HSPG2: variants seen among roughly 807,000 people sequenced by gnomAD.
HSPG2 encodes basement membrane-specific heparan sulfate proteoglycan core protein.
In HSPG2, 278 loss-of-function variants were observed where a neutral mutation model predicts 526.6. That is an observed-to-expected ratio of 0.53 (90% CI 0.48 to 0.58). The LOEUF is 0.58. HSPG2 is among the 20% of genes least tolerant of loss of function. HSPG2 has a pLI of 0.00. For missense variants in HSPG2, 5,354 were observed against 6,099.5 expected (o/e 0.88, Z 4.07); for synonymous variants, 2,465 against 2,555.4 (o/e 0.96, Z 1.07).
rs373699453 is a variant in HSPG2, at chr1:21,841,198, T to C, written c.9416A>G (p.Glu3139Gly). The C allele has an allele frequency of 6.2e-7, 1 of 1,613,716 alleles. No homozygotes were observed. The highest frequency in any genetic ancestry group is 8.5e-7 in the Non-Finnish European group (1 of 1,180,034). The change falls in exon 71 of 97, where the codon GAG becomes GGG. Residue 3139 changes from glutamate (E) to glycine (G), a missense_variant. Physicochemically the swap from Glu to Gly is moderately conservative, Grantham distance 98. Transcript: ENST00000374695. The part of the protein sequence containing the change: ...AVTLECVSAG[E>G]PRSSARWTRI... ...GGTCCAACGAGCAGAGGAGCGGGGC[T>C]CCCCGGCACTGACACACTCCAGGGT...
rs928635824 is a variant in HSPG2 at position 21,824,705 on chromosome 1, TC to T, written c.12663del (p.Ser4222AlafsTer75). 3 of 1,613,472 alleles carry T rather than the reference TC, an allele frequency of 1.9e-6. No homozygotes were observed. In the African/African-American group the frequency reaches 4.0e-5, roughly 22 times the overall value. ...GGGCCCTTCCAATGCCAGTCTCACCTCCTGGAGAAGACATGGCCAGGGAAGG... is the reference window on the plus strand; with the variant it reads ...GGGCCCTTCCAATGCCAGTCTCACCTCTGGAGAAGACATGGCCAGGGAAGG... Reference protein sequence around the residue: ...FLAFPGHVFSRSLPEVPETIE... With the variant: ...FLAFPGHVFSXSLPEVPETIE... On this transcript the variant is annotated frameshift_variant and splice_region_variant, in exon 92 of 97. Coordinates refer to ENST00000374695, the MANE Select transcript of HSPG2 (RefSeq NM_005529.7). LOFTEE classifies it high-confidence loss of function. The surrounding 1 kb of genome is among the most constrained non-coding windows in gnomAD (Gnocchi z 5.9).
rs574275934 is a variant in HSPG2, at chr1:21,840,549, G to A, written c.9514-532C>T. ...TCTCAATCTCCTGACCTTGTGATCC[G>A]CCCGCCTCAGCCTCCCAAATTGCTA... On this transcript the variant is annotated intron_variant, in intron 71 of 96. Transcript: ENST00000374695. 5.3e-5 allele frequency among the ~76,000 whole-genome samples: 8 copies of A among 151,600 alleles called. No homozygotes were observed. In the East Asian group the frequency reaches 5.8e-4, roughly 11 times the overall value.
rs150994577 is a variant in HSPG2 at position 21,835,121 on chromosome 1, TACTC to T, written c.10454-180_10454-177del. The T allele has an allele frequency of 0.041, 30,616 of 752,118 alleles. 814 individuals are homozygous for T. The highest frequency in any genetic ancestry group is 0.065 in the Middle Eastern group (286 of 4,422). 46.6% of individuals were successfully genotyped at this position (752,118 alleles called of 1,614,324 possible). On this transcript the variant is annotated intron_variant, in intron 76 of 96. Coordinates refer to ENST00000374695, the MANE Select transcript of HSPG2 (RefSeq NM_005529.7). ...ACTCACTTGTCAGGTCTTATGCATT[TACTC>T]ACTCACGTGTCCACTTCTTTTTTTT...
intron 75 of HSPG2, 37 bp from the exon 76 acceptor site, chr1:21,835,674 AAAC>A: frequency 1.3e-6 from 2 of 1,500,560 alleles, no homozygotes; most frequent in Non-Finnish European, 1.9e-6. Flanking sequence ...AGGGAGTTGA[AAAC>A]AACTGATAGA....
At position 21,890,787 on chromosome 1, in the gene HSPG2, GC is replaced by G; in HGVS notation, c.245-94del. 1 of 878,780 alleles carries G rather than the reference GC, an allele frequency of 1.1e-6. No individual in the cohort carries two copies. The highest frequency in any genetic ancestry group is 1.9e-6 in the Non-Finnish European group (1 of 534,636). The allele number at this position is 878,780 out of a possible 1,614,324, so 54.4% of individuals were successfully genotyped here. A position where few individuals can be genotyped will look rare whatever the true frequency, so the allele number is the denominator to read the frequency against. ...CCATTCAGGCAGAGTTGGGGGGATG[GC>G]CCCCAGAGGCCTCCCTCGAGGCTGA... On this transcript the variant is annotated intron_variant, in intron 3 of 96. Coordinates refer to ENST00000374695, the MANE Select transcript of HSPG2 (RefSeq NM_005529.7). The surrounding 1 kb of genome is among the most constrained non-coding windows in gnomAD (Gnocchi z 4.1).
At chr1:21,920,772 C>T (rs752440369) in intron 1 of HSPG2, among the ~76,000 whole-genome samples, 2 of 152,198 alleles carry the variant, frequency 1.3e-5, no homozygotes, top group African/African-American at 4.8e-5. Flanking sequence ...CCTCCTCCCC[C>T]ACTCCTGGAC....
chr1:21,869,190 G>A (rs929110673), intron 33 of HSPG2, among the ~76,000 whole-genome samples: 19 of 152,204 alleles, frequency 1.2e-4, no homozygotes, highest in African/African-American at 4.6e-4. Context: ...CTCTCTGGGC[G>A]TGGCCTGGGT....
rs756052771 is a variant in HSPG2 at position 21,830,978 on chromosome 1, G to A, written c.11671+4C>T. The A allele has an allele frequency of 3.3e-5, 52 of 1,569,764 alleles. No homozygotes were observed. The highest frequency in any genetic ancestry group is 2.3e-4 in the African/African-American group (17 of 74,432). On this transcript the variant is annotated splice_donor_region_variant and intron_variant, in intron 85 of 96. Coordinates refer to ENST00000374695, the MANE Select transcript of HSPG2 (RefSeq NM_005529.7). ...CGACAGCGACTGGCGGTCGGGGTGC[G>A]TACCTGGATGGCAGTGCAGGGCCTG... is the stretch of plus-strand genomic sequence containing the variant.
Position 21,902,210 on chromosome 1 carries a change from G to A in HSPG2, c.64-5900C>T, listed in dbSNP as rs144404909. Among the ~76,000 whole-genome samples, 38 of 152,298 alleles carry A rather than the reference G, an allele frequency of 2.5e-4. 1 individual carries two copies. Among genetic ancestry groups the A allele is most frequent in the Admixed American group, 2.2e-3 (33 of 15,304 alleles). ...AATCCCCTGGCAGTCTGAGAGGGGC[G>A]CCGGGCCGGAAGGGAGGTGGCCACA... On this transcript the variant is annotated intron_variant, in intron 1 of 96. Transcript: ENST00000374695.
Position 21,887,839 on chromosome 1 carries a change from C to A in HSPG2, c.703+99G>T. On this transcript the variant is annotated intron_variant, in intron 7 of 96. Coordinates refer to ENST00000374695, the MANE Select transcript of HSPG2 (RefSeq NM_005529.7). This position sits in a 1 kb window ranked among gnomAD's most constrained non-coding sequence, Gnocchi z 5.0. ...CCTATGCCCCCATCCTCTGCCTGCA[C>A]CAAACCCTCATAGTCCTTGATGGGC... The A allele has an allele frequency of 2.5e-6, 4 of 1,596,696 alleles. No individual in the cohort carries two copies.
rs887542156 is a variant in HSPG2 at position 21,893,310 on chromosome 1, C to T, written c.244+2612G>A. 9.8e-5 allele frequency among the ~76,000 whole-genome samples: 15 copies of T among 152,300 alleles called. No homozygotes were observed. The highest frequency in any genetic ancestry group is 2.2e-4 in the Non-Finnish European group (15 of 68,016). The stretch of plus-strand genomic sequence containing the variant: ...GCACCCATCTCTGCCCGTCAACACC[C>T]CATGGGGAAGAACGCCCGCCAGGGT... On this transcript the variant is annotated intron_variant, in intron 3 of 96. Coordinates refer to ENST00000374695, the MANE Select transcript of HSPG2 (RefSeq NM_005529.7). This position sits in a 1 kb window ranked among gnomAD's most constrained non-coding sequence, Gnocchi z 4.3.
At chr1:21,846,956 C>T (rs149413568) in intron 62 of HSPG2, among the ~76,000 whole-genome samples, 5,549 of 151,932 alleles carry the variant, frequency 0.037, 142 homozygotes, top group Non-Finnish European at 0.059. Flanking sequence ...GTTGAGATCG[C>T]GCCACTGCAC....
rs1386160359 is a variant in HSPG2, at chr1:21,864,260, C to T, written c.4627-47G>A. 2 of 1,463,508 alleles carry T rather than the reference C, an allele frequency of 1.4e-6. No individual in the cohort carries two copies. The highest frequency in any genetic ancestry group is 1.2e-5 in the South Asian group (1 of 82,244). The allele number at this position is 1,463,508 out of a possible 1,614,324, so 90.7% of individuals were successfully genotyped here. Reference sequence around the variant, plus strand: ...GGCCTCTGTTCCCAACGTGCCCCACCCACAGCCAGCAGACCCAGAACCCCT... The same window carrying T: ...GGCCTCTGTTCCCAACGTGCCCCACTCACAGCCAGCAGACCCAGAACCCCT... On this transcript the variant is annotated intron_variant, in intron 36 of 96. Coordinates refer to ENST00000374695, the MANE Select transcript of HSPG2 (RefSeq NM_005529.7). The surrounding 1 kb of genome is among the most constrained non-coding windows in gnomAD (Gnocchi z 4.8).
chr1:21,826,788 C>T (rs1384071983), intron 91 of HSPG2, among the ~76,000 whole-genome samples: 1 of 152,178 alleles, frequency 6.6e-6, no homozygotes, highest in African/African-American at 2.4e-5. Flanking sequence ...GGATTACAGG[C>T]GTGAGCCAGT....
chr1:21,823,452 C>T lies in HSPG2; in HGVS notation c.13040G>A (p.Arg4347Lys). Reference protein sequence around the residue: ...APDVATLTGGRFSSGITGCVK... With the variant: ...APDVATLTGGKFSSGITGCVK... ...ACAGCCTGTGATGCCTGAGGAGAAT[C>T]TGCCCCCGGTCAGCGTGGCCACGTC... Residue 4347 changes from arginine (R) to lysine (K), a missense_variant, in exon 97 of 97, where the codon AGA becomes AAA. By Grantham distance (26) the Arg-to-Lys change is conservative. Coordinates refer to ENST00000374695, the MANE Select transcript of HSPG2 (RefSeq NM_005529.7). 1.3e-6 allele frequency: 2 copies of T among 1,594,806 alleles called. No individual in the cohort carries two copies. The highest frequency in any genetic ancestry group is 1.7e-6 in the Non-Finnish European group (2 of 1,175,038).
At chr1:21,870,846 G>C (rs1332890454) in intron 33 of HSPG2, 3 of 986,106 alleles carry the variant, frequency 3.0e-6, no homozygotes, top group African/African-American at 1.7e-5. Context: ...GGTGAGCCCG[G>C]CGCATCCGCG....
In HSPG2 at chr1:21,824,668, C is replaced by T. The variant is rs747202974; in HGVS notation, c.12665+36G>A. On this transcript the variant is annotated intron_variant, in intron 92 of 96. Coordinates refer to ENST00000374695, the MANE Select transcript of HSPG2 (RefSeq NM_005529.7). This position sits in a 1 kb window ranked among gnomAD's most constrained non-coding sequence, Gnocchi z 5.9. ...AGAAGTCCCAGATTCCCATCCTCCC[C>T]ATTAGGCCCATGGGCCCTTCCAATG... The T allele has an allele frequency of 6.2e-7, 1 of 1,613,204 alleles. No individual in the cohort carries two copies. The highest frequency in any genetic ancestry group is 1.1e-5 in the South Asian group (1 of 90,952).
intron 33 of HSPG2, among the ~76,000 whole-genome samples, chr1:21,866,025 C>T (rs1640202692): frequency 6.6e-6 from 1 of 152,004 alleles, no homozygotes; most frequent in Admixed American, 6.6e-5. Context: ...GGTGATGATG[C>T]TGAGCAGCCT....
Position 21,880,535 on chromosome 1 carries a change from G to A in HSPG2, c.2023C>T (p.Arg675Trp), listed in dbSNP as rs373299826. The change falls in exon 16 of 97, where the codon CGG becomes TGG. Residue 675 changes from arginine (R) to tryptophan (W), a missense_variant. Coordinates refer to ENST00000374695, the MANE Select transcript of HSPG2 (RefSeq NM_005529.7). ...AGCAGCTCCGCGCGCTGCACCGGCC[G>A]GCCAGACTCATGGACCCAGTGCTCC... ...SEEHWVHESG[R>W]PVQRAELLQV... 8.4e-5 allele frequency: 136 copies of A among 1,613,526 alleles called. No homozygotes were observed. In the East Asian group the frequency reaches 9.1e-4, roughly 11 times the overall value.
Sources: gnomAD v4.1 joint callset for allele counts (sites outside exome capture counted in the v4.1 genomes callset) on GRCh38, gnomAD v4.1.1 for gene constraint, Gnocchi (gnomAD v3.1) non-coding constraint, MANE v1.5 for transcripts, NCBI Gene and HGNC (gene_info 2026-07-23, HGNC 2026-07-21) for gene names.